Variants in MED27 observed in about 807,000 individuals in gnomAD.
MED27 encodes the protein mediator of RNA polymerase II transcription subunit 27.
MED27 carries 30 observed loss-of-function variants against 38.2 expected under a neutral mutation model. The ratio of observed to expected loss-of-function variants is 0.79; its 90% CI spans 0.59 to 1.07. The LOEUF is 1.07. MED27 is among the 50% of genes least tolerant of loss of function. The pLI is 0.00. For synonymous variants in MED27, 122 were observed against 153.5 expected, an observed-to-expected ratio of 0.79 and a Z score of 1.52; for missense variants, 289 against 397.5, an observed-to-expected ratio of 0.73 and a Z score of 2.32.
chr9:131,879,524 A>G (rs1212585297), intron 6 of MED27, among the ~76,000 whole-genome samples: 5 of 152,222 alleles, frequency 3.3e-5, no homozygotes, highest in African/African-American at 9.6e-5. Flanking sequence ...CTGGTGGCCC[A>G]GAACTCCCAT....
At chr9:132,022,942 A>G (rs1426756539) in intron 2 of MED27, among the ~76,000 whole-genome samples, 1 of 152,136 alleles carries the variant, frequency 6.6e-6, no homozygotes, top group Non-Finnish European at 1.5e-5. Context: ...TCCTCCCTCA[A>G]CACCTGGGGA....
chr9:132,059,570 A>G (rs752607690), intron 2 of MED27, among the ~76,000 whole-genome samples: 7 of 152,212 alleles, frequency 4.6e-5, no homozygotes, highest in Admixed American at 2.0e-4. Context: ...AGAGGCAGCA[A>G]TCTGAGGGGC....
chr9:131,940,629 T>C (rs1830770151), intron 3 of MED27, among the ~76,000 whole-genome samples: 1 of 152,208 alleles, frequency 6.6e-6, no homozygotes, highest in Non-Finnish European at 1.5e-5. Flanking sequence ...TTGGCCAGGC[T>C]GGTCTCGAAC....
In MED27 at chr9:131,939,483, G is replaced by GA. The variant is rs753285524; in HGVS notation, c.480-10dup. On this transcript the variant is annotated splice_polypyrimidine_tract_variant and intron_variant, in intron 3 of 7. Coordinates refer to ENST00000292035, the MANE Select transcript of MED27 (RefSeq NM_004269.4). ...TCACATCATCAACATATCTACATGG[G>GA]AAAAAAATAAACATGTGTGAACTAC... The GA allele has an allele frequency of 4.4e-6, 7 of 1,579,612 alleles. No homozygotes were observed. The highest frequency in any genetic ancestry group is 1.7e-4 in the Middle Eastern group (1 of 5,924).
intron 6 of MED27, chr9:131,869,070 A>G (rs999631843): frequency 2.0e-6 from 2 of 985,258 alleles, no homozygotes; most frequent in African/African-American, 3.5e-5. Flanking sequence ...ATTCTCTTCC[A>G]CTGCCAAGTG....
At chr9:131,993,420 T>TC (rs996693755) in intron 3 of MED27, among the ~76,000 whole-genome samples, 6 of 152,016 alleles carry the variant, frequency 3.9e-5, no homozygotes, top group Admixed American at 3.3e-4. Context: ...CCTGCTCAGC[T>TC]CCCCCTCAGG....
intron 2 of MED27, among the ~76,000 whole-genome samples, chr9:132,026,861 T>G (rs1168524371): frequency 6.6e-6 from 1 of 152,216 alleles, no homozygotes; most frequent in Non-Finnish European, 1.5e-5. Context: ...AATTAATCTG[T>G]ACAACCACCC....
chr9:131,970,408 C>T (rs554375759), intron 3 of MED27, among the ~76,000 whole-genome samples: 1 of 152,322 alleles, frequency 6.6e-6, no homozygotes, highest in Non-Finnish European at 1.5e-5. Context: ...GCCAGGAGGC[C>T]GCCCTGGCTA....
At position 131,939,364 on chromosome 9, in the gene MED27, A is replaced by C; in HGVS notation, c.573+17T>G. On this transcript the variant is annotated intron_variant, in intron 4 of 7. Transcript: ENST00000292035. ...TTTTCCCCCAACATCCCTACAAATCAGTCAAGCTGATCTTACCAGAAGCAT... is the reference window on the plus strand; with the variant it reads ...TTTTCCCCCAACATCCCTACAAATCCGTCAAGCTGATCTTACCAGAAGCAT... The C allele has an allele frequency of 6.4e-7, 1 of 1,572,546 alleles. No homozygotes were observed. Among genetic ancestry groups the C allele is most frequent in the Non-Finnish European group, 8.7e-7 (1 of 1,154,270 alleles).
intron 6 of MED27, among the ~76,000 whole-genome samples, chr9:131,867,192 ACT>A (rs771825493): frequency 5.9e-5 from 9 of 151,962 alleles, no homozygotes; most frequent in Non-Finnish European, 1.2e-4. Context: ...CGCCATTCTG[ACT>A]CTCTGCGGGG....
chr9:131,969,961 AG>A (rs1271762987), intron 3 of MED27, among the ~76,000 whole-genome samples: 2 of 151,696 alleles, frequency 1.3e-5, no homozygotes, highest in Admixed American at 6.6e-5. Flanking sequence ...ATGAGGCTGG[AG>A]GGCTGGGGGG....
intron 2 of MED27, among the ~76,000 whole-genome samples, chr9:132,022,870 A>C (rs1177703199): frequency 6.6e-6 from 1 of 152,120 alleles, no homozygotes; most frequent in Non-Finnish European, 1.5e-5. Context: ...TCTCATGAGC[A>C]CTCACTATCA....
chr9:131,861,524 G>A lies in MED27; in HGVS notation c.802-852C>T, dbSNP rs1838651546. Among the ~76,000 whole-genome samples the A allele has an allele frequency of 6.6e-6, 1 of 152,218 alleles. No homozygotes were observed. The highest frequency in any genetic ancestry group is 2.1e-4 in the South Asian group (1 of 4,836). ...CACCACAGCTGCCTTCATGGTGACAGGGCATGGCCCATCAGTACTGTCCCC... is the reference window on the plus strand; with the variant it reads ...CACCACAGCTGCCTTCATGGTGACAAGGCATGGCCCATCAGTACTGTCCCC... On this transcript the variant is annotated intron_variant, in intron 7 of 7. Coordinates refer to ENST00000292035, the MANE Select transcript of MED27 (RefSeq NM_004269.4). The surrounding 1 kb of genome is among the most constrained non-coding windows in gnomAD (Gnocchi z 4.4).
intron 2 of MED27, among the ~76,000 whole-genome samples, chr9:132,074,614 T>A (rs1347008238): frequency 6.6e-6 from 1 of 152,254 alleles, no homozygotes; most frequent in Non-Finnish European, 1.5e-5. Flanking sequence ...AAAGGCAAGA[T>A]AAACACATAT....
intron 3 of MED27, among the ~76,000 whole-genome samples, chr9:131,993,802 C>G (rs977558598): frequency 2.0e-5 from 3 of 152,164 alleles, no homozygotes; most frequent in African/African-American, 7.2e-5. Flanking sequence ...GCAGGCTCTC[C>G]CCATGTCTGT....
chr9:131,999,435 G>C (rs1832172061), intron 3 of MED27, among the ~76,000 whole-genome samples: 1 of 152,144 alleles, frequency 6.6e-6, no homozygotes, highest in Non-Finnish European at 1.5e-5. Context: ...TTAAAGACAA[G>C]GTTTCTAAGG....
chr9:131,998,187 T>C (rs1195019094), intron 3 of MED27, among the ~76,000 whole-genome samples: 5 of 151,900 alleles, frequency 3.3e-5, no homozygotes, highest in Admixed American at 1.3e-4. Context: ...AGGAGCGCAC[T>C]TGGGGAGAGC....
At chr9:131,960,085 G>C (rs1257438047) in intron 3 of MED27, among the ~76,000 whole-genome samples, 1 of 152,164 alleles carries the variant, frequency 6.6e-6, no homozygotes, top group African/African-American at 2.4e-5. Context: ...GATGCTCAGA[G>C]GGCATGTGTA....
intron 6 of MED27, among the ~76,000 whole-genome samples, chr9:131,874,009 G>A (rs575037336): frequency 3.3e-4 from 50 of 152,162 alleles, no homozygotes; most frequent in Non-Finnish European, 6.8e-4. Context: ...ACCCCCGCTG[G>A]CCACTCCACA....
Sources: allele counts gnomAD v4.1 joint callset (sites outside exome capture counted in the v4.1 genomes callset), GRCh38; gene constraint gnomAD v4.1.1; non-coding constraint Gnocchi (gnomAD v3.1); transcripts MANE v1.5; gene names NCBI Gene and HGNC (gene_info 2026-07-23, HGNC 2026-07-21).